The following ZNF782 variants were observed in gnomAD, a reference collection of about 807,000 sequenced individuals.
ZNF782 encodes the protein zinc finger protein 782.
In ZNF782, 12 loss-of-function variants were observed where a neutral mutation model predicts 13.0. That is an observed-to-expected ratio of 0.92 (90% CI 0.59 to 1.50). The LOEUF (loss-of-function observed/expected upper bound fraction) is 1.50, where lower values mean the gene tolerates loss of function less well. Among genes scored for constraint, ZNF782 ranks in the 40% most tolerant of loss-of-function variants. The pLI is 0.00. For synonymous variants in ZNF782, 284 were observed against 283.0 expected, an observed-to-expected ratio of 1.00 and a Z score of -0.04; for missense variants, 770 against 822.9, an observed-to-expected ratio of 0.94 and a Z score of 0.79.
Position 96,872,094 on chromosome 9 carries a change from A to G in ZNF782, c.-457+3374T>C, listed in dbSNP as rs187416050. On this transcript the variant is annotated intron_variant, in intron 1 of 5. Coordinates refer to the ZNF782 transcript ENST00000498811. ...ATAAACCTTAGGAACCTTACCTCCT[A>G]AAAAAATTATCATTTATGGAGTGCA... 1.6e-3 allele frequency among the ~76,000 whole-genome samples: 244 copies of G among 152,314 alleles called. 1 individual carries two copies. The highest frequency in any genetic ancestry group is 2.5e-3 in the Non-Finnish European group (170 of 68,014).
chr9:96,821,703 G>C (rs1459338398), intron 5 of ZNF782, among the ~76,000 whole-genome samples: 1 of 141,954 alleles, frequency 7.0e-6, no homozygotes, highest in Non-Finnish European at 1.5e-5. Flanking sequence ...CAGAGTCCTT[G>C]ATCTGTCACC....
At chr9:96,907,639 T>TTGTG in the ZNF782 span, among the ~76,000 whole-genome samples, 3 of 130,656 alleles carry the variant, frequency 2.3e-5, no homozygotes, top group East Asian at 3.0e-4. Flanking sequence ...TAGTGTCTTT[T>TTGTG]TGTGTGTGTG....
At chr9:96,893,503 T>C in the ZNF782 span, 1 of 152,160 alleles carries the variant, frequency 6.6e-6, no homozygotes, top group Non-Finnish European at 1.5e-5. Context: ...AGAAATACCA[T>C]CTTGACTCAG....
rs35546553 is a variant in ZNF782 at position 96,864,877 on chromosome 9, T to TAAA, written c.-456-3277_-456-3275dup. Among the ~76,000 whole-genome samples the TAAA allele has an allele frequency of 5.9e-3, 551 of 92,792 alleles. 9 individuals are homozygous for TAAA. Among genetic ancestry groups the TAAA allele is most frequent in the African/African-American group, 0.019 (516 of 26,490 alleles). The allele number at this position is 92,792 out of a possible 152,430, so 60.9% of individuals were successfully genotyped here. ...GAGACCCTATCTCCACAAAAAGAAC[T>TAAA]AAAAAAAAAAAAAAAAAAAAAATCC... On this transcript the variant is annotated intron_variant, in intron 1 of 5. Transcript: ENST00000498811.
the ZNF782 span, chr9:96,889,860 C>T: frequency 1.3e-5 from 2 of 152,160 alleles, no homozygotes; most frequent in African/African-American, 4.8e-5. Flanking sequence ...TACATTTATA[C>T]ACAATATGTT....
At chr9:96,878,869 A>T (rs1237927621), upstream of ZNF782, among the ~76,000 whole-genome samples, 3 of 152,268 alleles carry the variant, frequency 2.0e-5, no homozygotes, top group Non-Finnish European at 4.4e-5. Flanking sequence ...GGGAGTCCTC[A>T]AAGAGGCTTG....
chr9:96,903,783 C>T, the ZNF782 span, among the ~76,000 whole-genome samples: 2 of 151,524 alleles, frequency 1.3e-5, no homozygotes, highest in South Asian at 2.1e-4. Context: ...AGGATGGTCT[C>T]GATCTCCTGA....
chr9:96,903,750 G>T, the ZNF782 span, among the ~76,000 whole-genome samples: 5 of 151,474 alleles, frequency 3.3e-5, no homozygotes, highest in Non-Finnish European at 7.4e-5. Context: ...TTTTAGTAGA[G>T]AGGGGGTTTC....
chr9:96,832,285 T>C (rs1440834040), intron 4 of ZNF782, among the ~76,000 whole-genome samples: 1 of 152,216 alleles, frequency 6.6e-6, no homozygotes, highest in Non-Finnish European at 1.5e-5. Context: ...GCTTCCTGTT[T>C]ATAATATGAT....
the ZNF782 span, chr9:96,931,586 GCA>G: frequency 3.6e-5 from 26 of 730,968 alleles, no homozygotes; most frequent in Non-Finnish European, 5.5e-5. Context: ...AGCATCTGAT[GCA>G]CACTCAGGGA....
chr9:96,916,104 T>G, the ZNF782 span, among the ~76,000 whole-genome samples: 1 of 151,960 alleles, frequency 6.6e-6, no homozygotes, highest in African/African-American at 2.4e-5. Context: ...TACTTGCACT[T>G]AAAGCTTCGT....
intron 4 of ZNF782, among the ~76,000 whole-genome samples, chr9:96,840,676 TTCAA>T (rs1851160212): frequency 6.6e-6 from 1 of 152,038 alleles, no homozygotes; most frequent in Non-Finnish European, 1.5e-5. Flanking sequence ...TGAATGAGTG[TTCAA>T]TCAAAGAAGA....
the ZNF782 span, chr9:96,895,898 GCCTCTATCTAGAAAAACAGCAAAC>G: frequency 6.6e-6 from 1 of 152,190 alleles, no homozygotes; most frequent in African/African-American, 2.4e-5. Flanking sequence ...CCACTTACCT[GCCTCTATCTAGAAAAACAGCAAAC>G]CAAAAACAAT....
chr9:96,886,831 G>T, the ZNF782 span, among the ~76,000 whole-genome samples: 14 of 151,108 alleles, frequency 9.3e-5, no homozygotes, highest in Non-Finnish European at 4.4e-5. Flanking sequence ...GCTGAGGCAG[G>T]AGAATCGCTT....
At chr9:96,897,170 A>C in the ZNF782 span, among the ~76,000 whole-genome samples, 1 of 152,158 alleles carries the variant, frequency 6.6e-6, no homozygotes, top group African/African-American at 2.4e-5. Context: ...TCACTGTCAA[A>C]AGTCATGGGC....
chr9:96,882,176 T>A, the ZNF782 span, among the ~76,000 whole-genome samples: 1 of 152,112 alleles, frequency 6.6e-6, no homozygotes, highest in Non-Finnish European at 1.5e-5. Context: ...CCTAAATTCA[T>A]TAAGACAGTC....
intron 4 of ZNF782, among the ~76,000 whole-genome samples, chr9:96,836,880 C>T (rs1049589787): frequency 1.3e-5 from 2 of 152,146 alleles, no homozygotes; most frequent in Admixed American, 6.5e-5. Context: ...CTTGCTTCCT[C>T]TTTTGCCATG....
Position 96,819,115 on chromosome 9 carries a change from T to C in ZNF782, c.908A>G (p.His303Arg), listed in dbSNP as rs377593300. Reference protein sequence around the residue: ...SFSQKSHIREHHRVHIGVKPF... With the variant: ...SFSQKSHIRERHRVHIGVKPF... Reference sequence around the variant, plus strand: ...TTTCACCCCTATATGAACTCTATGATGTTCTCTAATGTGTGACTTTTGGCT... The same window carrying C: ...TTTCACCCCTATATGAACTCTATGACGTTCTCTAATGTGTGACTTTTGGCT... Residue 303 changes from histidine (H) to arginine (R), a missense_variant, in exon 6 of 6, where the codon CAT becomes CGT. By Grantham distance (29) the His-to-Arg change is conservative. Transcript: ENST00000481138. 173 of 1,613,886 alleles carry C rather than the reference T, an allele frequency of 1.1e-4. No individual in the cohort carries two copies. The highest frequency in any genetic ancestry group is 1.3e-4 in the Non-Finnish European group (154 of 1,180,026).
At chr9:96,917,030 TC>T in the ZNF782 span, among the ~76,000 whole-genome samples, 1 of 70,284 alleles carries the variant, frequency 1.4e-5, no homozygotes, top group Non-Finnish European at 2.9e-5. Context: ...GTTCAGTCTT[TC>T]CGTCGGGGAA....
Sources: gnomAD v4.1 joint callset for allele counts (sites outside exome capture counted in the v4.1 genomes callset) on GRCh38, gnomAD v4.1.1 for gene constraint, MANE v1.5 for transcripts, NCBI Gene and HGNC (gene_info 2026-07-23, HGNC 2026-07-21) for gene names.